ZFP64: variants seen among roughly 807,000 people sequenced by gnomAD.
ZFP64 encodes the protein ZFP64 zinc finger protein.
In ZFP64, 14 loss-of-function variants were observed where a neutral mutation model predicts 51.6. That is an observed-to-expected ratio of 0.27 (90% confidence interval 0.18 to 0.42). ZFP64 has a LOEUF of 0.42. ZFP64 is among the 10% of genes least tolerant of loss of function. The probability of loss-of-function intolerance (pLI) is 1.00; values close to 1 mark genes in which losing one functional copy is unlikely to be tolerated. For synonymous variants in ZFP64, 375 were observed against 361.4 expected (o/e 1.04, Z -0.43); for missense variants, 754 against 906.8 (o/e 0.83, Z 2.16).
intron 5 of ZFP64, among the ~76,000 whole-genome samples, chr20:52,108,153 A>T (rs1978359930): frequency 6.6e-6 from 1 of 152,140 alleles, no homozygotes; most frequent in Admixed American, 6.5e-5. Context: ...TGACCCTTGG[A>T]AGCTGAGGCA....
At chr20:52,118,829 A>G (rs1399522811) in intron 5 of ZFP64, among the ~76,000 whole-genome samples, 2 of 152,200 alleles carry the variant, frequency 1.3e-5, no homozygotes, top group African/African-American at 4.8e-5. Context: ...GCTATGTAGG[A>G]TGAGATCTTG....
intron 5 of ZFP64, chr20:52,104,926 G>A: frequency 1.5e-6 from 1 of 671,048 alleles, no homozygotes; most frequent in East Asian, 2.7e-5. Context: ...AGGAATCCAG[G>A]CGGGGAAGGG....
At chr20:52,182,578 A>C (rs531069823) in intron 2 of ZFP64, among the ~76,000 whole-genome samples, 1 of 152,196 alleles carries the variant, frequency 6.6e-6, no homozygotes, top group African/African-American at 2.4e-5. Context: ...AATTGGCTGG[A>C]TATGGTGGCG....
intron 7 of ZFP64, among the ~76,000 whole-genome samples, chr20:52,094,513 C>T (rs1321246349): frequency 6.6e-6 from 1 of 152,210 alleles, no homozygotes; most frequent in African/African-American, 2.4e-5. Flanking sequence ...GTAATCCCAG[C>T]ACTTTGGAAG....
downstream of ZFP64, among the ~76,000 whole-genome samples, chr20:52,148,344 C>T (rs1216389728): frequency 6.6e-6 from 1 of 152,188 alleles, no homozygotes; most frequent in Non-Finnish European, 1.5e-5. Context: ...ATTAGGATTT[C>T]AGTTTTCAGG....
At chr20:52,186,637 T>A (rs904669526) in intron 2 of ZFP64, among the ~76,000 whole-genome samples, 195 bp downstream of exon 2, 24 of 152,144 alleles carry the variant, frequency 1.6e-4, no homozygotes, top group African/African-American at 5.6e-4. Context: ...TTATAACTGC[T>A]AACAGTTAAT....
At chr20:52,185,676 G>A (rs1026807544) in intron 2 of ZFP64, among the ~76,000 whole-genome samples, 1 of 151,370 alleles carries the variant, frequency 6.6e-6, no homozygotes, top group Non-Finnish European at 1.5e-5. Context: ...TGCCTCCTGG[G>A]TTCAAGCGAT....
chr20:52,178,532 T>C (rs995421713), intron 2 of ZFP64, among the ~76,000 whole-genome samples: 3 of 152,174 alleles, frequency 2.0e-5, no homozygotes, highest in Non-Finnish European at 2.9e-5. Context: ...ACCACATAGT[T>C]TGTCTTACTA....
intron 2 of ZFP64, among the ~76,000 whole-genome samples, chr20:52,171,946 C>A (rs1982775347): frequency 6.6e-6 from 1 of 152,154 alleles, no homozygotes; most frequent in African/African-American, 2.4e-5. Flanking sequence ...TAGAATTGCA[C>A]CATGTTGGCC....
At chr20:52,112,082 CAAAAA>C (rs375422075) in intron 5 of ZFP64, among the ~76,000 whole-genome samples, 18 of 78,376 alleles carry the variant, frequency 2.3e-4, no homozygotes, top group African/African-American at 5.4e-4. Context: ...ACTCTATCTC[CAAAAA>C]AAAAAAAAAA....
At chr20:52,084,639 T>G (rs1198302234) in exon 9 of ZFP64, 2 of 1,614,036 alleles carry the variant, frequency 1.2e-6, no homozygotes. Flanking sequence ...GGCACCGCTT[T>G]CCGGTGGGAA....
chr20:52,140,836 G>C (rs1433997336), intron 5 of ZFP64, among the ~76,000 whole-genome samples: 2 of 152,200 alleles, frequency 1.3e-5, no homozygotes, highest in Non-Finnish European at 2.9e-5. Context: ...TTCATAGCTA[G>C]AGGGGAGAAG....
chr20:52,144,476 A>G (rs957158800), intron 5 of ZFP64, among the ~76,000 whole-genome samples: 1 of 148,958 alleles, frequency 6.7e-6, no homozygotes, highest in Non-Finnish European at 1.5e-5. Flanking sequence ...GCTATTCGGG[A>G]GGCTGAGGCA....
intron 1 of ZFP64, 77 bp from the exon 2 acceptor site, chr20:52,187,148 G>A (rs978925809): frequency 6.7e-7 from 1 of 1,483,846 alleles, no homozygotes; most frequent in African/African-American, 1.4e-5. Context: ...TTCATGGTAG[G>A]AAGAAAAGGC....
intron 3 of ZFP64, chr20:52,165,582 T>C (rs2123031357): frequency 1.7e-6 from 1 of 603,300 alleles, no homozygotes; most frequent in East Asian, 3.7e-5. Context: ...GATATCTTCC[T>C]AAGCTATAGC....
intron 5 of ZFP64, among the ~76,000 whole-genome samples, chr20:52,135,111 G>A (rs1383588021): frequency 6.6e-6 from 1 of 152,126 alleles, no homozygotes; most frequent in Admixed American, 6.5e-5. Context: ...TGATCTGTCT[G>A]CTTCGGCCTC....
At chr20:52,131,929 T>C (rs56941511) in intron 5 of ZFP64, among the ~76,000 whole-genome samples, 22,734 of 152,160 alleles carry the variant, frequency 0.15, 1,987 homozygotes, top group Non-Finnish European at 0.2. Context: ...ATTCTTTTCC[T>C]CAGCACATGG....
At chr20:52,170,226 C>A (rs745596822) in intron 2 of ZFP64, among the ~76,000 whole-genome samples, 20 of 151,954 alleles carry the variant, frequency 1.3e-4, no homozygotes, top group Non-Finnish European at 1.2e-4. Flanking sequence ...CTGAGGTGGG[C>A]GGATCATTTG....
chr20:52,123,134 G>A (rs547337695), intron 5 of ZFP64, among the ~76,000 whole-genome samples: 2 of 152,178 alleles, frequency 1.3e-5, no homozygotes, highest in South Asian at 2.1e-4. Flanking sequence ...AGGATTACAG[G>A]CATGCGCCAC....
Sources: gnomAD v4.1 joint callset for allele counts (sites outside exome capture counted in the v4.1 genomes callset) on GRCh38, gnomAD v4.1.1 for gene constraint, MANE v1.5 for transcripts, NCBI Gene and HGNC (gene_info 2026-07-23, HGNC 2026-07-21) for gene names.